DPP10: variants seen among roughly 807,000 people sequenced by gnomAD.
DPP10 encodes the protein dipeptidyl peptidase like 10.
A neutral mutation model predicts 120.9 loss-of-function variants in DPP10; 33 were observed. That is an observed-to-expected ratio of 0.27 (90% CI 0.21 to 0.37). DPP10 has a LOEUF of 0.37. DPP10 is among the 10% of genes least tolerant of loss of function. The pLI is 1.00. For synonymous variants in DPP10, 337 were observed against 326.1 expected, an observed-to-expected ratio of 1.03 and a Z score of -0.36; for missense variants, 816 against 942.8, an observed-to-expected ratio of 0.87 and a Z score of 1.76.
rs548341806 is a variant in DPP10, at chr2:115,818,494, G to T, written c.1950+2765G>T. On this transcript the variant is annotated intron_variant, in intron 21 of 25. Coordinates refer to ENST00000410059, the MANE Select transcript of DPP10 (RefSeq NM_020868.6). ...TTACAAACATTCATGGAAATTTAGA[G>T]AAGATTCAAAGGGTTGTAAAATGCC... 8.5e-5 allele frequency among the ~76,000 whole-genome samples: 13 copies of T among 152,244 alleles called. No homozygotes were observed. In the East Asian group the frequency reaches 2.3e-3, roughly 27 times the overall value.
chr2:115,256,878 G>A (rs1445832797), intron 1 of DPP10, among the ~76,000 whole-genome samples: 1 of 152,156 alleles, frequency 6.6e-6, no homozygotes, highest in East Asian at 1.9e-4. Context: ...AAGCAGCCAG[G>A]CCACATCTTG....
chr2:114,864,861 C>T (rs892101905), intron 1 of DPP10, among the ~76,000 whole-genome samples: 7 of 152,056 alleles, frequency 4.6e-5, no homozygotes, highest in African/African-American at 1.7e-4. Flanking sequence ...AGAACCTTGC[C>T]AAGATCTTCA....
intron 1 of DPP10, among the ~76,000 whole-genome samples, chr2:114,520,275 A>T (rs1156630526): frequency 6.6e-6 from 1 of 152,210 alleles, no homozygotes; most frequent in African/African-American, 2.4e-5. Context: ...ATTTAGGCCA[A>T]CACACATCAG....
chr2:114,511,744 C>A (rs75078743), intron 1 of DPP10, among the ~76,000 whole-genome samples: 1,698 of 152,262 alleles, frequency 0.011, 28 homozygotes, highest in African/African-American at 0.038. Flanking sequence ...CACGTTGGCT[C>A]CCAAACCTTA....
chr2:114,528,408 T>G (rs902760623), intron 1 of DPP10, among the ~76,000 whole-genome samples: 5 of 152,162 alleles, frequency 3.3e-5, no homozygotes, highest in Non-Finnish European at 7.4e-5. Context: ...CTGCAGGGTC[T>G]AGCTGCTCCA....
chr2:115,250,056 A>G (rs2058690340), intron 1 of DPP10, among the ~76,000 whole-genome samples: 1 of 151,698 alleles, frequency 6.6e-6, no homozygotes, highest in African/African-American at 2.4e-5. Flanking sequence ...CTCCAAATAC[A>G]TTAGGCTATT....
chr2:115,691,589 G>A (rs1316579858), intron 7 of DPP10, among the ~76,000 whole-genome samples: 2 of 152,034 alleles, frequency 1.3e-5, no homozygotes, highest in African/African-American at 4.8e-5. Flanking sequence ...TAAGACAACA[G>A]TATCTTAATT....
intron 5 of DPP10, among the ~76,000 whole-genome samples, chr2:115,541,172 A>G (rs1477821197): frequency 1.3e-5 from 2 of 151,920 alleles, no homozygotes; most frequent in Non-Finnish European, 2.9e-5. Flanking sequence ...TTAGTTATTC[A>G]CTTATAAAAT....
chr2:115,054,742 C>G (rs1276842868), intron 1 of DPP10, among the ~76,000 whole-genome samples: 3 of 152,068 alleles, frequency 2.0e-5, no homozygotes, highest in Admixed American at 6.6e-5. Context: ...GAAACCCAGT[C>G]TCTACTAAAA....
intron 3 of DPP10, among the ~76,000 whole-genome samples, chr2:115,354,406 C>T (rs2106320687): frequency 6.6e-6 from 1 of 152,128 alleles, no homozygotes; most frequent in East Asian, 1.9e-4. Flanking sequence ...GTTTAGTTCC[C>T]ACTTTGCTTG....
intron 1 of DPP10, among the ~76,000 whole-genome samples, chr2:114,483,431 T>C (rs1681233468): frequency 6.6e-6 from 1 of 151,994 alleles, no homozygotes; most frequent in African/African-American, 2.4e-5. Flanking sequence ...AAAGTATTCA[T>C]GAATAACAAA....
At chr2:114,898,713 T>G (rs1484259141) in intron 1 of DPP10, among the ~76,000 whole-genome samples, 10 of 152,182 alleles carry the variant, frequency 6.6e-5, no homozygotes, top group African/African-American at 2.4e-4. Context: ...GCCTGAATAT[T>G]TCACTTTTCA....
intron 1 of DPP10, among the ~76,000 whole-genome samples, chr2:115,122,423 T>C (rs2049871989): frequency 6.6e-6 from 1 of 152,208 alleles, no homozygotes; most frequent in African/African-American, 2.4e-5. Context: ...ATCTCTGTCC[T>C]ACAGGTACTT....
At chr2:114,684,455 T>C (rs1303741347) in intron 1 of DPP10, among the ~76,000 whole-genome samples, 1 of 152,006 alleles carries the variant, frequency 6.6e-6, no homozygotes, top group Non-Finnish European at 1.5e-5. Context: ...GAGGTTAGCA[T>C]ATGAAAGTGT....
At chr2:115,271,994 G>A (rs533963743) in intron 1 of DPP10, among the ~76,000 whole-genome samples, 67 of 152,234 alleles carry the variant, frequency 4.4e-4, no homozygotes, top group Non-Finnish European at 6.8e-4. Context: ...TGCTCAATAT[G>A]AGCATACATA....
At chr2:115,701,122 T>TC (rs1043599103) in intron 7 of DPP10, among the ~76,000 whole-genome samples, 16 of 152,050 alleles carry the variant, frequency 1.1e-4, no homozygotes, top group Admixed American at 9.8e-4. Context: ...TCATAGGGCT[T>TC]CAAGTATCCG....
At chr2:114,707,877 A>G (rs1203445774) in intron 1 of DPP10, among the ~76,000 whole-genome samples, 1 of 152,134 alleles carries the variant, frequency 6.6e-6, no homozygotes, top group East Asian at 1.9e-4. Flanking sequence ...TGGAAAGGGG[A>G]ACACTGTATA....
In DPP10 at chr2:115,791,329, G is replaced by A. The variant is rs371613510; in HGVS notation, c.1673G>A (p.Arg558Gln). The A allele has an allele frequency of 3.2e-5, 51 of 1,610,940 alleles. No homozygotes were observed. The highest frequency in any genetic ancestry group is 2.4e-4 in the South Asian group (22 of 90,150). ...TCCCTTCCCAAAGATTTTATGGACC[G>A]AAACCAGTATGCTCTTCTGTTAATA... ...QLSLPKDFMD[R>Q]NQYALLLIMD... The change falls in exon 19 of 26, where the codon CGA becomes CAA. Residue 558 changes from arginine (R) to glutamine (Q), a missense_variant. By Grantham distance (43) the Arg-to-Gln change is conservative. Coordinates refer to ENST00000410059, the MANE Select transcript of DPP10 (RefSeq NM_020868.6).
At chr2:114,796,203 T>C (rs188849390) in intron 1 of DPP10, among the ~76,000 whole-genome samples, 40 of 152,254 alleles carry the variant, frequency 2.6e-4, no homozygotes, top group Admixed American at 2.3e-3. Context: ...ATGAGACCCA[T>C]GCAAAGTGCC....
Sources: gnomAD v4.1 joint callset for allele counts (sites outside exome capture counted in the v4.1 genomes callset) on GRCh38, gnomAD v4.1.1 for gene constraint, MANE v1.5 for transcripts, NCBI Gene and HGNC (gene_info 2026-07-23, HGNC 2026-07-21) for gene names.